TMEM248: variants seen among roughly 807,000 people sequenced by gnomAD.
The protein encoded by TMEM248 is UPF0458 protein C7orf42.
In TMEM248, 9 loss-of-function variants were observed where a neutral mutation model predicts 30.3. That is an observed-to-expected ratio of 0.30 (90% confidence interval 0.18 to 0.52). The LOEUF is 0.52. TMEM248 is among the 20% of genes least tolerant of loss of function. TMEM248 has a pLI of 0.97. For synonymous variants in TMEM248, 184 were observed against 154.4 expected (o/e 1.19, Z -1.42); for missense variants, 338 against 403.3 (o/e 0.84, Z 1.39).
At chr7:66,924,853 G>T (rs919748280) in intron 1 of TMEM248, among the ~76,000 whole-genome samples, 1 of 151,650 alleles carries the variant, frequency 6.6e-6, no homozygotes, top group African/African-American at 2.4e-5. Context: ...GGGACTACAG[G>T]CACGCACCAC....
At chr7:66,953,391 G>C in intron 6 of TMEM248, 22 bp downstream of exon 6, 1 of 1,611,184 alleles carries the variant, frequency 6.2e-7, no homozygotes, top group South Asian at 1.1e-5. Flanking sequence ...ATGGGGTCCG[G>C]GCCAGCATTT....
intron 3 of TMEM248, among the ~76,000 whole-genome samples, chr7:66,947,892 G>A (rs1402655838): frequency 6.6e-6 from 1 of 152,008 alleles, no homozygotes; most frequent in Non-Finnish European, 1.5e-5. Context: ...TGGGACCACA[G>A]GTGTGCACCA....
intron 1 of TMEM248, among the ~76,000 whole-genome samples, chr7:66,938,196 C>T (rs947962893): frequency 6.6e-6 from 1 of 152,112 alleles, no homozygotes; most frequent in African/African-American, 2.4e-5. Flanking sequence ...TTACTCCTGC[C>T]ATTTTGTTAG....
At chr7:66,926,567 T>C (rs1791529136) in intron 1 of TMEM248, among the ~76,000 whole-genome samples, 1 of 150,832 alleles carries the variant, frequency 6.6e-6, no homozygotes, top group Admixed American at 6.6e-5. Context: ...ACCTGGGATG[T>C]GGAGGTTGTG....
chr7:66,929,426 A>ATTTTTTTTTTTTTTTTTTTTTTTT lies in TMEM248; in HGVS notation c.-19+7970_-19+7993dup, dbSNP rs35126436. On this transcript the variant is annotated intron_variant, in intron 1 of 6. Transcript: ENST00000341567. The stretch of plus-strand genomic sequence containing the variant: ...ACAATATCATGGAAATGAGAGACAA[A>ATTTTTTTTTTTTTTTTTTTTTTTT]TTTTTTTTTTTTTTTTTTTTTTTTT... 1.3e-4 allele frequency among the ~76,000 whole-genome samples: 13 copies of ATTTTTTTTTTTTTTTTTTTTTTTT among 97,674 alleles called. 2 individuals carry two copies. The highest frequency in any genetic ancestry group is 2.2e-4 in the Non-Finnish European group (11 of 49,214). 64.1% of individuals were successfully genotyped at this position (97,674 alleles called of 152,430 possible). A position where few individuals can be genotyped will look rare whatever the true frequency, so the allele number is the denominator to read the frequency against.
intron 1 of TMEM248, among the ~76,000 whole-genome samples, chr7:66,922,582 T>G (rs1016054347): frequency 6.6e-6 from 1 of 152,112 alleles, no homozygotes; most frequent in Admixed American, 6.6e-5. Flanking sequence ...GTGGCCTGAA[T>G]CAGGTGGACT....
intron 1 of TMEM248, chr7:66,922,007 A>G (rs1791398004): frequency 1.3e-5 from 2 of 152,250 alleles, no homozygotes; most frequent in Non-Finnish European, 2.9e-5. Context: ...ATGTAGTTTC[A>G]GTTCCCTTGA....
intron 1 of TMEM248, among the ~76,000 whole-genome samples, chr7:66,928,781 T>G (rs1791588548): frequency 6.6e-6 from 1 of 152,148 alleles, no homozygotes. Context: ...AAAAATTTTT[T>G]TTTTCCTTTT....
At position 66,958,099 on chromosome 7, in the gene TMEM248, T is replaced by G. The variant is rs1473261151; in HGVS notation, c.*2577T>G. ...AGAGTTTGCTGGTGGACCTCAGGAT[T>G]CGAAGTGTGCAACAGACGGAGTGCG... is the stretch of plus-strand genomic sequence containing the variant. On this transcript the variant is annotated 3_prime_UTR_variant, in exon 7 of 7. Coordinates refer to ENST00000341567, the MANE Select transcript of TMEM248 (RefSeq NM_017994.5). 6.6e-6 allele frequency: 1 copy of G among 152,616 alleles called. No individual in the cohort carries two copies. The highest frequency in any genetic ancestry group is 1.5e-5 in the Non-Finnish European group (1 of 68,046). 9.5% of individuals were successfully genotyped at this position (152,616 alleles called of 1,614,324 possible).
At chr7:66,952,715 C>T (rs1184354553) in intron 5 of TMEM248, among the ~76,000 whole-genome samples, 1 of 152,184 alleles carries the variant, frequency 6.6e-6, no homozygotes, top group African/African-American at 2.4e-5. Flanking sequence ...TCAGCATTTT[C>T]ATCCAAGGAC....
Position 66,936,412 on chromosome 7 carries a change from T to C in TMEM248, c.-18-5436T>C, listed in dbSNP as rs190344181. ...TTGCTTCTAAGGGATAAATCCCACT[T>C]GGTCATGATGAATGATCTTTTTAAT... On this transcript the variant is annotated intron_variant, in intron 1 of 6. Coordinates refer to ENST00000341567, the MANE Select transcript of TMEM248 (RefSeq NM_017994.5). Among the ~76,000 whole-genome samples the C allele has an allele frequency of 1.3e-3, 194 of 152,354 alleles. 1 individual carries two copies. Among genetic ancestry groups the C allele is most frequent in the African/African-American group, 4.5e-3 (187 of 41,586 alleles).
chr7:66,950,090 A>G (rs1361119615), intron 4 of TMEM248, among the ~76,000 whole-genome samples: 3 of 151,988 alleles, frequency 2.0e-5, no homozygotes, highest in Admixed American at 1.3e-4. Context: ...GCTGGGCGCA[A>G]TGGCTCACAC....
In TMEM248 at chr7:66,941,910, C is replaced by T. The variant is rs759305498; in HGVS notation, c.45C>T (p.Ser15=). ...TGGAGAACCTGAAGGTGTACATCAG[C>T]AGTCGGCCTCCCCTGGTGGTCTTCA... ...NPLENLKVYI[S]SRPPLVVFMI... The change falls in exon 2 of 7, where the codon AGC becomes AGT. Residue 15 remains serine (S), a synonymous_variant. Coordinates refer to ENST00000341567, the MANE Select transcript of TMEM248 (RefSeq NM_017994.5). 6.8e-6 allele frequency: 11 copies of T among 1,614,036 alleles called. No homozygotes were observed. In the Admixed American group the frequency reaches 8.3e-5, roughly 12 times the overall value.
At chr7:66,941,042 G>A (rs930807844) in intron 1 of TMEM248, among the ~76,000 whole-genome samples, 4 of 152,108 alleles carry the variant, frequency 2.6e-5, no homozygotes, top group Non-Finnish European at 5.9e-5. Flanking sequence ...TTGAGGCTAG[G>A]AGATCAAGAC....
Position 66,945,134 on chromosome 7 carries a change from C to T in TMEM248, c.318C>T (p.Asp106=), listed in dbSNP as rs903864801. 1 of 1,614,226 alleles carries T rather than the reference C, an allele frequency of 6.2e-7. No individual in the cohort carries two copies. The highest frequency in any genetic ancestry group is 8.5e-7 in the Non-Finnish European group (1 of 1,180,052). ...ASTQSPQALE[D]SGPVNISVSI... ...CCCAGTCCCCCCAGGCCCTGGAGGA[C>T]TCGGGCCCGGTGAATATCTCAGTCT... Residue 106 remains aspartate (D), a synonymous_variant, in exon 3 of 7, where the codon GAC becomes GAT. Coordinates refer to ENST00000341567, the MANE Select transcript of TMEM248 (RefSeq NM_017994.5).
intron 1 of TMEM248, among the ~76,000 whole-genome samples, chr7:66,940,895 A>G (rs1791929125): frequency 6.6e-6 from 1 of 152,144 alleles, no homozygotes; most frequent in Non-Finnish European, 1.5e-5. Context: ...GTGTCACATT[A>G]CTGACCCACC....
chr7:66,951,090 A>G lies in TMEM248; in HGVS notation c.735A>G (p.Lys245=). Residue 245 remains lysine (K), a synonymous_variant, in exon 5 of 7, where the codon AAA becomes AAG. Coordinates refer to ENST00000341567, the MANE Select transcript of TMEM248 (RefSeq NM_017994.5). ...PFWCYKGAIG[K]VYHALNPKLT... ...GGTGTTATAAGGGGGCCATTGGAAAAGTCTATCATGCTTTAAATCCCAAGC... is the reference window on the plus strand; with the variant it reads ...GGTGTTATAAGGGGGCCATTGGAAAGGTCTATCATGCTTTAAATCCCAAGC... 6.2e-7 allele frequency: 1 copy of G among 1,607,284 alleles called. No homozygotes were observed. Among genetic ancestry groups the G allele is most frequent in the Non-Finnish European group, 8.5e-7 (1 of 1,177,740 alleles).
chr7:66,954,787 T>A (rs1792362538), intron 6 of TMEM248, among the ~76,000 whole-genome samples: 1 of 152,164 alleles, frequency 6.6e-6, no homozygotes, highest in Non-Finnish European at 1.5e-5. Context: ...ATTAGAAGTG[T>A]CTTTACTCTC....
At chr7:66,947,259 C>G (rs3778916) in intron 3 of TMEM248, among the ~76,000 whole-genome samples, 23,471 of 149,794 alleles carry the variant, frequency 0.16, 2,227 homozygotes, top group East Asian at 0.29. Context: ...AAAAGTCCTT[C>G]AAGGAATTTA....
Sources: gnomAD v4.1 joint callset for allele counts (sites outside exome capture counted in the v4.1 genomes callset) on GRCh38, gnomAD v4.1.1 for gene constraint, MANE v1.5 for transcripts, NCBI Gene and HGNC (gene_info 2026-07-23, HGNC 2026-07-21) for gene names.